Variants in SI observed in about 807,000 individuals in gnomAD.
The protein encoded by SI is sucrase-isomaltase, intestinal.
In SI, 235 loss-of-function variants were observed where a neutral mutation model predicts 253.3. The ratio of observed to expected loss-of-function variants is 0.93; its 90% CI spans 0.83 to 1.03. The LOEUF is 1.03. SI is among the 50% of genes least tolerant of loss of function. The pLI, the probability that SI is intolerant of heterozygous loss-of-function variation, is 0.00. For missense variants in SI, 2,442 were observed against 2,211.1 expected (o/e 1.10, Z -2.09); for synonymous variants, 819 against 712.0 (o/e 1.15, Z -2.39).
intron 43 of SI, 148 bp downstream of exon 43, chr3:164,992,029 T>G: frequency 1.4e-6 from 1 of 728,588 alleles, no homozygotes; most frequent in South Asian, 1.6e-5. Context: ...GTGGATTAAT[T>G]CAATTCAGCT....
At chr3:165,069,820 TATAA>T (rs1229528392) in intron 3 of SI, among the ~76,000 whole-genome samples, 3 of 151,798 alleles carry the variant, frequency 2.0e-5, no homozygotes, top group East Asian at 1.9e-4. Flanking sequence ...AATGTTTATT[TATAA>T]ATAGTTTAGC....
In SI at chr3:165,021,318, T is replaced by C. The variant is rs757357558; in HGVS notation, c.3165A>G (p.Ile1055Met). The change falls in exon 27 of 48, where the codon ATA becomes ATG. Residue 1055 changes from isoleucine (I) to methionine (M), a missense_variant. Transcript: ENST00000264382. ...CATAAAGTCTGTCTTCATAAGTACT[T>C]ATTGGGGTGGTTGGAATGTTTAACG... ...PVPLNIPTTP[I>M]STYEDRLYDV... The C allele has an allele frequency of 7.4e-6, 12 of 1,610,828 alleles. No homozygotes were observed. The highest frequency in any genetic ancestry group is 1.7e-5 in the Admixed American group (1 of 59,790).
At chr3:164,981,337 G>C (rs1237018083) in intron 47 of SI, among the ~76,000 whole-genome samples, 1 of 151,956 alleles carries the variant, frequency 6.6e-6, no homozygotes, top group Non-Finnish European at 1.5e-5. Flanking sequence ...CAAAAAGATG[G>C]AACAGACTTT....
At chr3:165,038,146 T>C (rs1712629397) in intron 20 of SI, 122 bp from the exon 21 acceptor site, 10 of 880,494 alleles carry the variant, frequency 1.1e-5, no homozygotes, top group Admixed American at 2.4e-5. Flanking sequence ...TACGAATATA[T>C]TGTTTTCTAA....
At chr3:164,982,217 GA>G in intron 47 of SI, 25 bp downstream of exon 47, 1 of 1,593,368 alleles carries the variant, frequency 6.3e-7, no homozygotes, top group Non-Finnish European at 8.6e-7. Context: ...GTACGCTTTT[GA>G]AAAATATTTT....
chr3:165,027,571 C>A (rs570150726), intron 25 of SI, among the ~76,000 whole-genome samples: 7 of 150,960 alleles, frequency 4.6e-5, no homozygotes, highest in African/African-American at 1.7e-4. Context: ...CCTGGCTAAC[C>A]AAATTCCAAA....
At chr3:165,077,264 T>C (rs1433958179) in intron 1 of SI, among the ~76,000 whole-genome samples, 2 of 151,650 alleles carry the variant, frequency 1.3e-5, no homozygotes, top group Non-Finnish European at 3.0e-5. Flanking sequence ...TTCTAAATTT[T>C]GCTGAATTCA....
intron 25 of SI, among the ~76,000 whole-genome samples, chr3:165,030,040 G>T (rs2108201212): frequency 6.7e-6 from 1 of 149,770 alleles, no homozygotes; most frequent in South Asian, 2.1e-4. Context: ...CTGGGAAATT[G>T]CTGACAAATA....
chr3:165,051,131 AG>A (rs1356401000), intron 13 of SI, among the ~76,000 whole-genome samples: 2 of 152,058 alleles, frequency 1.3e-5, no homozygotes, highest in Non-Finnish European at 2.9e-5. Flanking sequence ...AGTTTGCAAA[AG>A]CTTCCATAAA....
Position 165,022,057 on chromosome 3 carries a change from T to C in SI, c.3100-674A>G, listed in dbSNP as rs954290620. ...CACTGTACTTTAAACTGCATTTTGC[T>C]CCTGGAATTTTTAATGAGTGTAATT... On this transcript the variant is annotated intron_variant, in intron 26 of 47. Coordinates refer to ENST00000264382, the MANE Select transcript of SI (RefSeq NM_001041.4). Among the ~76,000 whole-genome samples, 3 of 151,614 alleles carry C rather than the reference T, an allele frequency of 2.0e-5. No homozygotes were observed. In the Admixed American group the frequency reaches 2.0e-4, roughly 10 times the overall value.
intron 17 of SI, among the ~76,000 whole-genome samples, chr3:165,042,107 C>T (rs1173737026): frequency 6.6e-6 from 1 of 152,046 alleles, no homozygotes; most frequent in Non-Finnish European, 1.5e-5. Flanking sequence ...CACATTATTT[C>T]ACCAATAAAT....
chr3:165,004,576 A>G (rs1376023642), intron 37 of SI, among the ~76,000 whole-genome samples: 1 of 152,142 alleles, frequency 6.6e-6, no homozygotes, highest in Non-Finnish European at 1.5e-5. Context: ...TAAAGTAAAT[A>G]TGGTACATAT....
chr3:165,071,773 C>T (rs936379943), intron 3 of SI, among the ~76,000 whole-genome samples: 1 of 151,980 alleles, frequency 6.6e-6, no homozygotes, highest in African/African-American at 2.4e-5. Flanking sequence ...TATGTGAGGA[C>T]AAAATGAGAA....
intron 36 of SI, among the ~76,000 whole-genome samples, chr3:165,007,352 T>C (rs563290474): frequency 1.2e-4 from 18 of 152,174 alleles, no homozygotes; most frequent in African/African-American, 4.1e-4. Context: ...AGTTTTGCCA[T>C]CACTTAATAT....
intron 13 of SI, among the ~76,000 whole-genome samples, chr3:165,051,868 A>T (rs1339411243): frequency 1.3e-5 from 2 of 152,028 alleles, no homozygotes; most frequent in African/African-American, 4.8e-5. Context: ...TTTACTGAAA[A>T]TAATTTTAAA....
At chr3:165,033,489 T>A in intron 22 of SI, 45 bp from the exon 23 acceptor site, 1 of 1,432,168 alleles carries the variant, frequency 7.0e-7, no homozygotes, top group Non-Finnish European at 9.3e-7. Context: ...CAATGTTAAA[T>A]TCTCTGCTCT....
intron 47 of SI, among the ~76,000 whole-genome samples, 153 bp from the exon 48 acceptor site, chr3:164,979,583 C>T (rs1717082596): frequency 6.6e-6 from 1 of 151,678 alleles, no homozygotes; most frequent in Non-Finnish European, 1.5e-5. Context: ...AGTTTGCAAC[C>T]ATTTCAGCAA....
intron 34 of SI, among the ~76,000 whole-genome samples, chr3:165,009,671 C>G (rs1718681094): frequency 6.6e-6 from 1 of 152,102 alleles, no homozygotes; most frequent in African/African-American, 2.4e-5. Context: ...TTAGTGCTTC[C>G]TAGAGTAATG....
rs1356341778 is a variant in SI at position 165,037,904 on chromosome 3, C to T, written c.2422G>A (p.Ala808Thr). 9 of 1,592,776 alleles carry T rather than the reference C, an allele frequency of 5.7e-6. No individual in the cohort carries two copies. The highest frequency in any genetic ancestry group is 1.3e-5 in the African/African-American group (1 of 74,392). ...ACTAATGATTTTTCATTTTACCTTG[C>T]TGTTGTTGTTACATCTGGTTCTTGA... Reference protein sequence around the residue: ...PIQEPDVTTTASRKNPLGLIV... With the variant: ...PIQEPDVTTTTSRKNPLGLIV... The change falls in exon 21 of 48, where the codon GCA (alanine) becomes ACA (threonine). Residue 808 changes from alanine (A) to threonine (T), a missense_variant. By Grantham distance (58) the Ala-to-Thr change is moderately conservative. Transcript: ENST00000264382.
Sources: allele counts gnomAD v4.1 joint callset (sites outside exome capture counted in the v4.1 genomes callset), GRCh38; gene constraint gnomAD v4.1.1; transcripts MANE v1.5; gene names NCBI Gene and HGNC (gene_info 2026-07-23, HGNC 2026-07-21).